Variants in CADM2 observed in about 807,000 individuals in gnomAD.
The protein encoded by CADM2 is immunoglobulin superfamily member 4D.
A neutral mutation model predicts 49.8 loss-of-function variants in CADM2; 12 were observed. The observed-to-expected ratio is 0.24, with a 90% CI of 0.15 to 0.39. The LOEUF is 0.39. Ranked by LOEUF, CADM2 falls within the 10% of genes least tolerant of loss-of-function variation. The pLI is 1.00. For synonymous variants in CADM2, 214 were observed against 175.4 expected, an observed-to-expected ratio of 1.22 and a Z score of -1.74; for missense variants, 378 against 492.3, an observed-to-expected ratio of 0.77 and a Z score of 2.20.
At chr3:85,191,737 A>G (rs2041213431) in intron 1 of CADM2, among the ~76,000 whole-genome samples, 2 of 152,156 alleles carry the variant, frequency 1.3e-5, no homozygotes, top group African/African-American at 4.8e-5. Context: ...GCTGGGGCAC[A>G]AATCATCCCT....
chr3:85,700,189 C>T (rs899433595), intron 1 of CADM2, among the ~76,000 whole-genome samples: 51 of 152,204 alleles, frequency 3.4e-4, no homozygotes, highest in Middle Eastern at 3.4e-3. Context: ...TTTGCAGGGA[C>T]ATGGATGAAG....
chr3:85,747,929 A>C (rs1161811381), intron 2 of CADM2, among the ~76,000 whole-genome samples: 6 of 152,218 alleles, frequency 3.9e-5, no homozygotes, highest in African/African-American at 1.4e-4. Flanking sequence ...GCCTCATATG[A>C]GGAGGCGTAC....
chr3:85,797,709 G>A (rs529784871), intron 2 of CADM2, among the ~76,000 whole-genome samples: 26 of 152,278 alleles, frequency 1.7e-4, no homozygotes, highest in Admixed American at 7.2e-4. Flanking sequence ...GAATACAGCT[G>A]CAATAAACAT....
At chr3:85,352,368 CAAAG>C (rs945194914) in intron 1 of CADM2, among the ~76,000 whole-genome samples, 3 of 151,918 alleles carry the variant, frequency 2.0e-5, no homozygotes, top group African/African-American at 7.3e-5. Flanking sequence ...CAAATAAAAA[CAAAG>C]AAAAATAACA....
chr3:85,839,295 C>T (rs2074539057), intron 3 of CADM2, among the ~76,000 whole-genome samples: 1 of 151,682 alleles, frequency 6.6e-6, no homozygotes, highest in African/African-American at 2.4e-5. Context: ...ATAATTTCTT[C>T]TCTAGTCTGT....
intron 1 of CADM2, among the ~76,000 whole-genome samples, chr3:85,140,933 G>T (rs1283431390): frequency 6.6e-6 from 1 of 152,156 alleles, no homozygotes; most frequent in African/African-American, 2.4e-5. Context: ...TGTGTCTTGA[G>T]AGTACACTGG....
intron 1 of CADM2, among the ~76,000 whole-genome samples, chr3:85,367,649 C>T (rs950192320): frequency 3.3e-5 from 5 of 151,700 alleles, no homozygotes; most frequent in African/African-American, 1.2e-4. Flanking sequence ...AAGTGCTTCC[C>T]GTATATATTT....
At chr3:85,791,383 G>A (rs1420123543) in intron 2 of CADM2, among the ~76,000 whole-genome samples, 1 of 152,088 alleles carries the variant, frequency 6.6e-6, no homozygotes, top group Non-Finnish European at 1.5e-5. Flanking sequence ...GTAATAGCAT[G>A]CTATGTGTGC....
At chr3:85,573,761 C>T (rs950994524) in intron 1 of CADM2, among the ~76,000 whole-genome samples, 14 of 152,108 alleles carry the variant, frequency 9.2e-5, no homozygotes, top group Non-Finnish European at 2.1e-4. Context: ...TACAAGTTTA[C>T]GTGATCTTAT....
chr3:86,015,507 A>G (rs1732110379), intron 8 of CADM2, among the ~76,000 whole-genome samples: 1 of 152,232 alleles, frequency 6.6e-6, no homozygotes, highest in African/African-American at 2.4e-5. Flanking sequence ...ATAAAATGTT[A>G]TAGTGACACC....
At chr3:85,566,599 A>C (rs2062266306) in intron 1 of CADM2, among the ~76,000 whole-genome samples, 1 of 152,156 alleles carries the variant, frequency 6.6e-6, no homozygotes, top group Non-Finnish European at 1.5e-5. Context: ...TTCCAACTGC[A>C]GTCAAATAAC....
rs1170968746 is a variant in CADM2 at position 85,469,553 on chromosome 3, G to A, written c.62-256969G>A. Among the ~76,000 whole-genome samples, 10 of 152,260 alleles carry A rather than the reference G, an allele frequency of 6.6e-5. No individual in the cohort carries two copies. The East Asian group carries it at 1.9e-3, about 30-fold the overall frequency. On this transcript the variant is annotated intron_variant, in intron 1 of 9. Coordinates refer to ENST00000383699, the MANE Select transcript of CADM2 (RefSeq NM_001167675.2). ...TTTATTTGGGGGATCAGTCAGGAAT[G>A]AGCATTCCTCTAGGAACTTTGTAAG...
At chr3:85,134,176 C>G (rs535613656) in intron 1 of CADM2, among the ~76,000 whole-genome samples, 2 of 152,222 alleles carry the variant, frequency 1.3e-5, no homozygotes, top group Non-Finnish European at 2.9e-5. Context: ...GCCAAGCCCA[C>G]GCCCACCCGG....
chr3:85,985,662 G>A (rs1192900987), intron 8 of CADM2, among the ~76,000 whole-genome samples: 1 of 151,924 alleles, frequency 6.6e-6, no homozygotes. Context: ...TTCTTTAAAT[G>A]TAGATGAATT....
At chr3:85,135,834 C>G (rs1464955060) in intron 1 of CADM2, among the ~76,000 whole-genome samples, 1 of 151,800 alleles carries the variant, frequency 6.6e-6, no homozygotes, top group African/African-American at 2.4e-5. Context: ...ATTAGAGAGC[C>G]GTAGTATTGA....
rs534436497 is a variant in CADM2, at chr3:85,144,741, TA to T, written c.61+185074del. ...GTTTTGCTTGAAAAGGAGTTCAAGA[TA>T]TTTTTTTAATTTGATTCAATAATTT... is the stretch of plus-strand genomic sequence containing the variant. On this transcript the variant is annotated intron_variant, in intron 1 of 9. Transcript: ENST00000383699. Among the ~76,000 whole-genome samples the T allele has an allele frequency of 8.6e-4, 131 of 152,328 alleles. 1 individual carries two copies. The Middle Eastern group carries it at 0.02, about 24-fold the overall frequency.
chr3:86,019,738 G>A (rs1481673459), intron 8 of CADM2, among the ~76,000 whole-genome samples: 1 of 152,114 alleles, frequency 6.6e-6, no homozygotes, highest in East Asian at 1.9e-4. Context: ...TGTATCCTGA[G>A]ATTTTGCTGA....
At chr3:85,213,807 T>C (rs114351630) in intron 1 of CADM2, among the ~76,000 whole-genome samples, 1,634 of 152,154 alleles carry the variant, frequency 0.011, 16 homozygotes, top group Non-Finnish European at 0.017. Context: ...ATGGCCTGTC[T>C]TCATGTTCAC....
chr3:85,893,248 C>T (rs977326979), intron 5 of CADM2, among the ~76,000 whole-genome samples: 11 of 152,024 alleles, frequency 7.2e-5, no homozygotes, highest in African/African-American at 1.7e-4. Context: ...TCTGGGGAAA[C>T]GATTCCTTAT....
Sources: allele counts gnomAD v4.1 joint callset (sites outside exome capture counted in the v4.1 genomes callset), GRCh38; gene constraint gnomAD v4.1.1; transcripts MANE v1.5; gene names NCBI Gene and HGNC (gene_info 2026-07-23, HGNC 2026-07-21).